The following PKIG variants were observed in gnomAD, a reference collection of about 807,000 sequenced individuals.
PKIG encodes the protein cAMP-dependent protein kinase inhibitor gamma, also known as protein kinase (cAMP-dependent, catalytic) inhibitor gamma.
Under a neutral mutation model 6.8 loss-of-function variants are expected in PKIG, and 1 was observed. The observed-to-expected ratio is 0.15, with a 90% CI of 0.05 to 0.69. The LOEUF (loss-of-function observed/expected upper bound fraction) is 0.69. Ranked by LOEUF, PKIG falls within the 30% of genes least tolerant of loss-of-function variation. PKIG has a pLI of 0.82. For synonymous variants in PKIG, 39 were observed against 43.0 expected (o/e 0.91, Z 0.36); for missense variants, 77 against 104.0 (o/e 0.74, Z 1.13).
At chr20:44,533,316 C>T (rs2064484296) in intron 1 of PKIG, among the ~76,000 whole-genome samples, 1 of 152,190 alleles carries the variant, frequency 6.6e-6, no homozygotes, top group Admixed American at 6.5e-5. Context: ...AGGTGCACAC[C>T]ACTGCACCTG....
At chr20:44,571,883 T>A (rs2064856970) in intron 1 of PKIG, among the ~76,000 whole-genome samples, 1 of 152,266 alleles carries the variant, frequency 6.6e-6, no homozygotes, top group Non-Finnish European at 1.5e-5. Flanking sequence ...ATAAGACCTC[T>A]TGTTTGTAAC....
At position 44,614,188 on chromosome 20, in the gene PKIG, A is replaced by G. The variant is rs1423612945; in HGVS notation, c.-23-346A>G. ...GGTGACTTTATGCCACCTGTAGTAG[A>G]TGGTAAGCTCTGTGAGGCCAGGGAC... is the stretch of plus-strand genomic sequence containing the variant. On this transcript the variant is annotated intron_variant, in intron 2 of 3. Transcript: ENST00000372886. The surrounding 1 kb of genome is among the most constrained non-coding windows in gnomAD (Gnocchi z 4.6). 1 of 212,486 alleles carries G rather than the reference A, an allele frequency of 4.7e-6. No homozygotes were observed. Among genetic ancestry groups the G allele is most frequent in the African/African-American group, 2.3e-5 (1 of 42,580 alleles). The allele number at this position is 212,486 out of a possible 1,614,324, so 13.2% of individuals were successfully genotyped here. A position where few individuals can be genotyped will look rare whatever the true frequency, so the allele number is the denominator to read the frequency against.
At chr20:44,592,385 C>A (rs917814419) in intron 2 of PKIG, among the ~76,000 whole-genome samples, 2 of 152,158 alleles carry the variant, frequency 1.3e-5, no homozygotes, top group African/African-American at 4.8e-5. Context: ...CCTTGAAAAT[C>A]CTGTACAGAG....
chr20:44,558,574 T>TTTTCTTCCTTTCTTTCTTTC, intron 1 of PKIG, among the ~76,000 whole-genome samples: 1 of 132,002 alleles, frequency 7.6e-6, no homozygotes, highest in East Asian at 2.1e-4. Context: ...TTTTTTTCTT[T>TTTTCTTCCTTTCTTTCTTTC]TTTCTTTCTT....
In PKIG at chr20:44,553,020, C is replaced by T. The variant is rs112170219; in HGVS notation, c.-241+21042C>T. The stretch of plus-strand genomic sequence containing the variant: ...TTTGTGTATTTTTAGAAGTGGGAGT[C>T]GGGTAATCCTAGTCCTGTCAGTAAA... On this transcript the variant is annotated intron_variant, in intron 1 of 4. Transcript: ENST00000372887. Among the ~76,000 whole-genome samples, 1,061 of 152,202 alleles carry T rather than the reference C, an allele frequency of 7.0e-3. 5 individuals are homozygous for T. The highest frequency in any genetic ancestry group is 0.01 in the Non-Finnish European group (706 of 68,022).
chr20:44,592,911 A>C (rs919992872), intron 2 of PKIG, among the ~76,000 whole-genome samples: 8 of 152,226 alleles, frequency 5.3e-5, no homozygotes, highest in African/African-American at 1.7e-4. Context: ...CATTCCTATC[A>C]AAATTCCAGT....
chr20:44,560,284 C>A (rs532103760), intron 1 of PKIG, among the ~76,000 whole-genome samples: 1 of 144,956 alleles, frequency 6.9e-6, no homozygotes, highest in Admixed American at 6.9e-5. Flanking sequence ...TAAATAAATA[C>A]CATTGTGATG....
chr20:44,553,938 C>T (rs578012243), intron 1 of PKIG, among the ~76,000 whole-genome samples: 4 of 151,420 alleles, frequency 2.6e-5, no homozygotes, highest in Non-Finnish European at 4.4e-5. Flanking sequence ...GTCTTGGGGT[C>T]GAGAGAAGAG....
chr20:44,564,621 G>A (rs530937857), intron 1 of PKIG, among the ~76,000 whole-genome samples: 6 of 152,236 alleles, frequency 3.9e-5, no homozygotes, highest in South Asian at 4.1e-4. Flanking sequence ...TTTCCACAGC[G>A]AGAATCAGAG....
chr20:44,587,695 T>G (rs244107), intron 1 of PKIG, among the ~76,000 whole-genome samples: 34,748 of 152,034 alleles, frequency 0.23, 5,299 homozygotes, highest in African/African-American at 0.43. Flanking sequence ...CATCACTCAG[T>G]GATTTCACTT....
intron 1 of PKIG, among the ~76,000 whole-genome samples, chr20:44,544,379 A>G (rs539218658): frequency 1.8e-4 from 28 of 152,288 alleles, no homozygotes; most frequent in African/African-American, 6.5e-4. Context: ...TTGGCTGCTG[A>G]TAACAGTGCT....
chr20:44,575,201 C>T (rs1431420302), intron 1 of PKIG, among the ~76,000 whole-genome samples: 3 of 152,152 alleles, frequency 2.0e-5, no homozygotes, highest in East Asian at 3.9e-4. Context: ...TACAGGCATG[C>T]GCCACCATGC....
chr20:44,588,089 A>G (rs1966564533), intron 1 of PKIG, among the ~76,000 whole-genome samples: 1 of 152,224 alleles, frequency 6.6e-6, no homozygotes, highest in South Asian at 2.1e-4. Context: ...GTCCTGTAGA[A>G]AGCCTAAGAG....
intron 1 of PKIG, among the ~76,000 whole-genome samples, chr20:44,537,054 C>A (rs1355962368): frequency 1.3e-5 from 2 of 152,018 alleles, no homozygotes; most frequent in Non-Finnish European, 2.9e-5. Context: ...CTCAGCCTCC[C>A]AAGTAGCTGG....
intron 1 of PKIG, among the ~76,000 whole-genome samples, chr20:44,572,532 C>T (rs1401868538): frequency 6.6e-6 from 1 of 151,932 alleles, no homozygotes; most frequent in Non-Finnish European, 1.5e-5. Flanking sequence ...ATAAAACATC[C>T]TGAGGGCAAC....
chr20:44,618,028 T>C (rs1364682750), intron 3 of PKIG, among the ~76,000 whole-genome samples: 2 of 152,202 alleles, frequency 1.3e-5, no homozygotes, highest in African/African-American at 4.8e-5. Flanking sequence ...CTTCACTTGA[T>C]GCTTTAAGCA....
chr20:44,554,233 A>G (rs1399735723), intron 1 of PKIG, among the ~76,000 whole-genome samples: 1 of 151,278 alleles, frequency 6.6e-6, no homozygotes, highest in Non-Finnish European at 1.5e-5. Flanking sequence ...ACACACCACC[A>G]TGCCTGGCTA....
intron 1 of PKIG, among the ~76,000 whole-genome samples, chr20:44,573,207 C>T (rs2064868423): frequency 6.6e-6 from 1 of 152,230 alleles, no homozygotes; most frequent in African/African-American, 2.4e-5. Context: ...CAGCAACATG[C>T]TGTCATTAGA....
chr20:44,610,513 C>CACAT (rs2065208512), intron 2 of PKIG, among the ~76,000 whole-genome samples: 1 of 151,738 alleles, frequency 6.6e-6, no homozygotes, highest in African/African-American at 2.4e-5. Context: ...CACACACACA[C>CACAT]ACACACACAC....
Sources: gnomAD v4.1 joint callset for allele counts (sites outside exome capture counted in the v4.1 genomes callset) on GRCh38, gnomAD v4.1.1 for gene constraint, Gnocchi (gnomAD v3.1) non-coding constraint, MANE v1.5 for transcripts, NCBI Gene and HGNC (gene_info 2026-07-23, HGNC 2026-07-21) for gene names.